FNIP1: variants seen among roughly 807,000 people sequenced by gnomAD.
The protein encoded by FNIP1 is folliculin-interacting protein 1.
A neutral mutation model predicts 124.5 loss-of-function variants in FNIP1; 40 were observed. That is an observed-to-expected ratio of 0.32 (90% CI 0.25 to 0.42). The LOEUF is 0.42. Among genes scored for constraint, FNIP1 ranks in the 10% least tolerant of loss-of-function variants. FNIP1 has a pLI of 1.00. For synonymous variants in FNIP1, 472 were observed against 470.6 expected (o/e 1.00, Z -0.04); for missense variants, 1,176 against 1,403.7 (o/e 0.84, Z 2.59).
chr5:131,785,081 T>TATATATCATATATATGATATATATGAC (rs1554100703), intron 1 of FNIP1, among the ~76,000 whole-genome samples: 2 of 12,086 alleles, frequency 1.7e-4, no homozygotes, highest in South Asian at 5.7e-3. Flanking sequence ...ATATATGACA[T>TATATATCATATATATGATATATATGAC]ATATATATGA....
chr5:131,720,535 TAATC>T, intron 3 of FNIP1, among the ~76,000 whole-genome samples: 1 of 151,822 alleles, frequency 6.6e-6, no homozygotes, highest in Admixed American at 6.6e-5. Context: ...GCAAAGAAAA[TAATC>T]AAGAGGGCAA....
intron 2 of FNIP1, among the ~76,000 whole-genome samples, chr5:131,733,937 C>T (rs1303524115): frequency 6.6e-6 from 1 of 152,088 alleles, no homozygotes; most frequent in African/African-American, 2.4e-5. Flanking sequence ...TGGTAGAATT[C>T]GGCTGTGAAT....
rs1768564534 is a variant in FNIP1, at chr5:131,693,333, C to CATATATATATATATATACAT, written c.1202+5583_1202+5584insATGTATATATATATATATAT. On this transcript the variant is annotated intron_variant, in intron 11 of 17. Transcript: ENST00000510461. The stretch of plus-strand genomic sequence containing the variant: ...ATATATATACACATATATATATATA[C>CATATATATATATATATACAT]ATATATATATATATATATATATATA... 2.6e-4 allele frequency among the ~76,000 whole-genome samples: 13 copies of CATATATATATATATATACAT among 50,154 alleles called. 1 individual carries two copies. Among genetic ancestry groups the CATATATATATATATATACAT allele is most frequent in the African/African-American group, 8.8e-4 (13 of 14,716 alleles). The allele number at this position is 50,154 out of a possible 152,430, so 32.9% of individuals were successfully genotyped here. A position where few individuals can be genotyped will look rare whatever the true frequency, so the allele number is the denominator to read the frequency against.
intron 1 of FNIP1, among the ~76,000 whole-genome samples, chr5:131,785,047 GACTATATATATCAT>G (rs1772129623): frequency 2.9e-5 from 1 of 34,172 alleles, no homozygotes; most frequent in African/African-American, 1.5e-4. Flanking sequence ...TGATATATAT[GACTATATATATCAT>G]ATATATGATA....
Position 131,796,850 on chromosome 5 carries a change from C to G in FNIP1, c.72G>C (p.Arg24=). 8 of 1,600,906 alleles carry G rather than the reference C, an allele frequency of 5.0e-6. No individual in the cohort carries two copies. Among genetic ancestry groups the G allele is most frequent in the Non-Finnish European group, 6.8e-6 (8 of 1,174,522 alleles). Residue 24 remains arginine (R), a synonymous_variant, in exon 1 of 18, where the codon CGG becomes CGC. Coordinates refer to ENST00000510461, the MANE Select transcript of FNIP1 (RefSeq NM_133372.3). ...TGLGAPGRDA[R]DPDCGFSWPL... ...CCTACCTGAACCCGCAATCTGGGTC[C>G]CGGGCGTCGCGGCCGGGCGCGCCCA...
chr5:131,747,440 C>A (rs1163235135), intron 1 of FNIP1, among the ~76,000 whole-genome samples: 3 of 152,200 alleles, frequency 2.0e-5, no homozygotes, highest in Admixed American at 6.5e-5. Flanking sequence ...ACCAGAGACT[C>A]CTCCTTAAAC....
rs201415165 is a variant in FNIP1 at position 131,716,575 on chromosome 5, A to C, written c.612T>G (p.Leu204=). ...AAAGGAACCATTTACCTATATTTCC[A>C]AGCAGTCCATTAATAACTGTGTTAT... ...ADNNTVINGL[L]GNIGLSQFCS... The change falls in exon 6 of 18, where the codon CTT becomes CTG. Residue 204 remains leucine, a synonymous_variant. Coordinates refer to ENST00000510461, the MANE Select transcript of FNIP1 (RefSeq NM_133372.3). 408 of 1,595,656 alleles carry C rather than the reference A, an allele frequency of 2.6e-4. No individual in the cohort carries two copies. The highest frequency in any genetic ancestry group is 5.0e-4 in the Middle Eastern group (3 of 6,028).
chr5:131,775,810 G>A (rs897106738), intron 1 of FNIP1, among the ~76,000 whole-genome samples: 7 of 152,122 alleles, frequency 4.6e-5, no homozygotes, highest in Non-Finnish European at 7.3e-5. Flanking sequence ...TTAGAGGCAG[G>A]AGCCACCTTG....
chr5:131,756,567 G>A (rs2149569359), intron 1 of FNIP1, among the ~76,000 whole-genome samples: 1 of 152,252 alleles, frequency 6.6e-6, no homozygotes, highest in East Asian at 1.9e-4. Flanking sequence ...AGATCACAGA[G>A]AAGTTAAGAC....
chr5:131,750,635 CAG>C (rs1237468005), intron 1 of FNIP1, among the ~76,000 whole-genome samples: 10 of 143,922 alleles, frequency 6.9e-5, no homozygotes, highest in Middle Eastern at 3.6e-3. Context: ...TTTTTTTAGA[CAG>C]AGTCTCTCTC....
intron 13 of FNIP1, among the ~76,000 whole-genome samples, chr5:131,673,722 T>C (rs1010281042): frequency 2.0e-5 from 3 of 152,130 alleles, no homozygotes; most frequent in African/African-American, 4.8e-5. Flanking sequence ...CACCACACAC[T>C]TAACCATTCC....
intron 16 of FNIP1, among the ~76,000 whole-genome samples, chr5:131,648,442 T>C (rs538856823): frequency 6.6e-6 from 1 of 152,228 alleles, no homozygotes; most frequent in South Asian, 2.1e-4. Context: ...TTTCAGGTGC[T>C]AAACATTAAA....
intron 11 of FNIP1, among the ~76,000 whole-genome samples, chr5:131,683,446 G>A (rs1033993966): frequency 1.5e-4 from 22 of 151,534 alleles, no homozygotes; most frequent in Admixed American, 8.5e-4. Context: ...CCAGCTACTC[G>A]GAAGGCTGAG....
intron 1 of FNIP1, among the ~76,000 whole-genome samples, chr5:131,755,019 T>C (rs572811392): frequency 2.2e-4 from 34 of 152,122 alleles, no homozygotes; most frequent in Non-Finnish European, 2.8e-4. Flanking sequence ...TTAACCAAGA[T>C]AAAGAATATC....
intron 1 of FNIP1, chr5:131,795,507 A>T (rs1187077607): frequency 6.6e-6 from 1 of 152,210 alleles, no homozygotes; most frequent in Admixed American, 6.5e-5. Context: ...CCTGTTTCCT[A>T]TTGTCGCTTG....
intron 8 of FNIP1, among the ~76,000 whole-genome samples, chr5:131,708,736 A>T (rs531869600): frequency 7.4e-4 from 113 of 151,854 alleles, no homozygotes; most frequent in South Asian, 6.2e-3. Flanking sequence ...AATGTCCACC[A>T]TGTTTCAATA....
chr5:131,785,068 G>GAC (rs1554100684), intron 1 of FNIP1, among the ~76,000 whole-genome samples: 3 of 12,238 alleles, frequency 2.5e-4, no homozygotes, highest in African/African-American at 6.8e-4. Flanking sequence ...TCATATATAT[G>GAC]ATATATATGA....
chr5:131,671,759 T>C lies in FNIP1; in HGVS notation c.2685A>G (p.Ser895=). Residue 895 remains serine (S), a synonymous_variant, in exon 14 of 18, where the codon TCA becomes TCG. Transcript: ENST00000510461. ...CCTGCTGAGGAAAGCAGGTTTTACA[T>C]GAATCTTGGGGAACTGTTTCTATAC... is the stretch of plus-strand genomic sequence containing the variant. The part of the protein sequence containing the change: ...CKCIETVPQD[S]CKTCFPQQDQ... The C allele has an allele frequency of 6.2e-7, 1 of 1,614,172 alleles. No individual in the cohort carries two copies. Among genetic ancestry groups the C allele is most frequent in the Non-Finnish European group, 8.5e-7 (1 of 1,180,018 alleles).
At chr5:131,651,007 TC>T (rs1374972792) in intron 16 of FNIP1, among the ~76,000 whole-genome samples, 1 of 151,824 alleles carries the variant, frequency 6.6e-6, no homozygotes, top group African/African-American at 2.4e-5. Flanking sequence ...GCTGCTGAAA[TC>T]AGAACATACA....
Sources: allele counts gnomAD v4.1 joint callset (sites outside exome capture counted in the v4.1 genomes callset), GRCh38; gene constraint gnomAD v4.1.1; transcripts MANE v1.5; gene names NCBI Gene and HGNC (gene_info 2026-07-23, HGNC 2026-07-21).